PLEKHH1: variants seen among roughly 807,000 people sequenced by gnomAD.
PLEKHH1 encodes pleckstrin homology, MyTH4 and FERM domain containing H1.
A neutral mutation model predicts 160.0 loss-of-function variants in PLEKHH1; 104 were observed. The ratio of observed to expected loss-of-function variants is 0.65; its 90% confidence interval spans 0.55 to 0.76. The LOEUF (loss-of-function observed/expected upper bound fraction) is 0.76. PLEKHH1 is among the 30% of genes least tolerant of loss of function. The probability of loss-of-function intolerance (pLI) is 0.00; values close to 1 mark genes in which losing one functional copy is unlikely to be tolerated. For missense variants in PLEKHH1, 1,427 were observed against 1,724.1 expected, an observed-to-expected ratio of 0.83 and a Z score of 3.05; for synonymous variants, 619 against 678.4, an observed-to-expected ratio of 0.91 and a Z score of 1.36.
At chr14:67,586,177 G>A (rs1003891746) in intron 28 of PLEKHH1, 80 bp downstream of exon 28, 3 of 1,490,302 alleles carry the variant, frequency 2.0e-6, no homozygotes, top group Non-Finnish European at 2.8e-6. Context: ...CTGGGGTTAT[G>A]CTAGTGCTCT....
chr14:67,546,196 G>A (rs889662716), intron 2 of PLEKHH1, among the ~76,000 whole-genome samples: 7 of 152,140 alleles, frequency 4.6e-5, no homozygotes, highest in South Asian at 2.1e-4. Context: ...GGTCAACGCC[G>A]GGGGAAGGGG....
chr14:67,537,794 AT>A (rs2033798883), intron 1 of PLEKHH1, among the ~76,000 whole-genome samples: 3 of 152,136 alleles, frequency 2.0e-5, no homozygotes, highest in Admixed American at 6.5e-5. Flanking sequence ...GAGTCACCTA[AT>A]GACTTCCTGT....
rs1404816603 is a variant in PLEKHH1 at position 67,578,627 on chromosome 14, C to A, written c.2845C>A (p.Pro949Thr). The A allele has an allele frequency of 3.8e-6, 6 of 1,598,562 alleles. No individual in the cohort carries two copies. The highest frequency in any genetic ancestry group is 3.4e-5 in the Admixed American group (2 of 58,676). Residue 949 changes from proline to threonine, a missense_variant, in exon 20 of 29, where the codon CCC becomes ACC. Pro to Thr is a conservative substitution (Grantham distance 38). Coordinates refer to ENST00000329153, the MANE Select transcript of PLEKHH1 (RefSeq NM_020715.3). This position sits in a 1 kb window ranked among gnomAD's most constrained non-coding sequence, Gnocchi z 5.0. ...GCAGCAGCTCCAACGCCATGCAGAT[C>A]CCAGGTGAGTGAACCTGGCCGTTTC... ...VKQQLQRHAD[P>T]RSETGQYATY...
chr14:67,565,884 C>G (rs548497604), intron 7 of PLEKHH1, among the ~76,000 whole-genome samples: 15 of 152,306 alleles, frequency 9.8e-5, no homozygotes, highest in Admixed American at 8.5e-4. Flanking sequence ...CTTTGGGAGG[C>G]TGAGGCAGGC....
chr14:67,535,499 G>T (rs1422857591), intron 1 of PLEKHH1, among the ~76,000 whole-genome samples: 1 of 146,738 alleles, frequency 6.8e-6, no homozygotes, highest in Non-Finnish European at 1.5e-5. Context: ...ACCTGCCTTA[G>T]CCTCCCAAGT....
intron 1 of PLEKHH1, among the ~76,000 whole-genome samples, chr14:67,540,991 T>A (rs1381320800): frequency 6.6e-6 from 1 of 152,172 alleles, no homozygotes. Context: ...TTTGTACAAA[T>A]TTTTTTCCCA....
rs367943857 is a variant in PLEKHH1 at position 67,562,045 on chromosome 14, C to A, written c.505+10C>A. 3 of 1,612,692 alleles carry A rather than the reference C, an allele frequency of 1.9e-6. No individual in the cohort carries two copies. The highest frequency in any genetic ancestry group is 1.3e-5 in the African/African-American group (1 of 74,866). On this transcript the variant is annotated intron_variant, in intron 6 of 28. Transcript: ENST00000329153. ...CAAGATGCGCTAGAAGGTAGGCAGG[C>A]CAGGGTGTGCAGGTGTGCAGTACGT...
Position 67,580,994 on chromosome 14 carries a change from G to A in PLEKHH1, c.3240G>A (p.Lys1080=), listed in dbSNP as rs371741800. ...CCATGAAGGAGCTGCACCCCGGAAA[G>A]TCTGAGGGTGGGACACGCGTCGTGA... The part of the protein sequence containing the change: ...EQAMKELHPG[K]SEGGTRVVKL... The change falls in exon 23 of 29, where the codon AAG becomes AAA. Residue 1080 remains lysine (K), a synonymous_variant. Coordinates refer to ENST00000329153, the MANE Select transcript of PLEKHH1 (RefSeq NM_020715.3). 3 of 1,613,488 alleles carry A rather than the reference G, an allele frequency of 1.9e-6. No individual in the cohort carries two copies. Among genetic ancestry groups the A allele is most frequent in the Non-Finnish European group, 2.5e-6 (3 of 1,179,534 alleles).
chr14:67,575,848 G>A lies in PLEKHH1; in HGVS notation c.2195G>A (p.Arg732Gln), dbSNP rs146068447. The part of the protein sequence containing the change: ...DKRPLGCLPV[R>Q]DAHIEEVDRS... ...CGACCCCTGGGCTGCCTGCCTGTGC[G>A]GGATGCGCACATAGAGGAAGTAGAT... is the stretch of plus-strand genomic sequence containing the variant. The change falls in exon 16 of 29, where the codon CGG (arginine) becomes CAG (glutamine). Residue 732 changes from arginine to glutamine, a missense_variant. Transcript: ENST00000329153. 3,400 of 1,613,820 alleles carry A rather than the reference G, an allele frequency of 2.1e-3. 5 individuals carry two copies. Among genetic ancestry groups the A allele is most frequent in the Non-Finnish European group, 2.3e-3 (2,655 of 1,179,790 alleles).
At chr14:67,539,515 T>C (rs1227868255) in intron 1 of PLEKHH1, among the ~76,000 whole-genome samples, 1 of 152,128 alleles carries the variant, frequency 6.6e-6, no homozygotes, top group Admixed American at 6.6e-5. Flanking sequence ...ATGGTAAAGG[T>C]CAGTGCTTGG....
intron 21 of PLEKHH1, 91 bp downstream of exon 21, chr14:67,579,402 GT>G: frequency 9.7e-7 from 1 of 1,026,772 alleles, no homozygotes; most frequent in Non-Finnish European, 1.4e-6. Flanking sequence ...TTGGCAGATT[GT>G]TCACTGTTGC....
Position 67,587,342 on chromosome 14 carries a change from C to G in PLEKHH1, c.*107C>G, listed in dbSNP as rs1406737129. ...ACGGGTCTAACAGCCCCCGGCTACTCTTGTTCTGTGAAATGTGTATTTTAG... is the reference window on the plus strand; with the variant it reads ...ACGGGTCTAACAGCCCCCGGCTACTGTTGTTCTGTGAAATGTGTATTTTAG... On this transcript the variant is annotated 3_prime_UTR_variant, in exon 29 of 29. Coordinates refer to ENST00000329153, the MANE Select transcript of PLEKHH1 (RefSeq NM_020715.3). 2.4e-6 allele frequency: 3 copies of G among 1,266,446 alleles called. No homozygotes were observed. The highest frequency in any genetic ancestry group is 2.3e-5 in the East Asian group (1 of 43,168). The allele number at this position is 1,266,446 out of a possible 1,614,324, so 78.5% of individuals were successfully genotyped here.
intron 9 of PLEKHH1, 40 bp from the exon 10 acceptor site, chr14:67,571,712 T>C (rs767077020): frequency 2.5e-6 from 4 of 1,600,656 alleles, no homozygotes; most frequent in Admixed American, 3.3e-5. Flanking sequence ...AGGACTGTTT[T>C]GCAGCCTGAG....
At chr14:67,585,816 T>C (rs2036131358) in intron 27 of PLEKHH1, 135 bp from the exon 28 acceptor site, 3 of 1,079,146 alleles carry the variant, frequency 2.8e-6, no homozygotes, top group Admixed American at 4.3e-5. Context: ...TTGTAGATAT[T>C]CAAGATGGAG....
intron 2 of PLEKHH1, among the ~76,000 whole-genome samples, chr14:67,551,539 A>T (rs1002634266): frequency 6.6e-6 from 1 of 152,126 alleles, no homozygotes; most frequent in East Asian, 1.9e-4. Context: ...ACTGTGGTGG[A>T]GTCAGTGAGG....
At chr14:67,585,831 C>G in intron 27 of PLEKHH1, 120 bp from the exon 28 acceptor site, 1 of 1,175,460 alleles carries the variant, frequency 8.5e-7, no homozygotes, top group Non-Finnish European at 1.2e-6. Context: ...ATGGAGATCT[C>G]CAAATTATGA....
Position 67,574,517 on chromosome 14 carries a change from A to C in PLEKHH1, c.2088+114A>C. The C allele has an allele frequency of 1.2e-6, 1 of 841,728 alleles. No homozygotes were observed. The allele number at this position is 841,728 out of a possible 1,614,324, so 52.1% of individuals were successfully genotyped here. A position where few individuals can be genotyped will look rare whatever the true frequency, so the allele number is the denominator to read the frequency against. On this transcript the variant is annotated intron_variant, in intron 14 of 28. Transcript: ENST00000329153. This position sits in a 1 kb window ranked among gnomAD's most constrained non-coding sequence, Gnocchi z 4.2. ...CTTATACGGGGCTCCTTTCTCTGGG[A>C]GCCTCCTCACAGTGACTCGCTGGCC...
intron 7 of PLEKHH1, among the ~76,000 whole-genome samples, chr14:67,563,958 G>A (rs573410696): frequency 6.7e-6 from 1 of 149,862 alleles, no homozygotes; most frequent in Non-Finnish European, 1.5e-5. Context: ...CTGGAGTGCA[G>A]TGGCACAATC....
At position 67,557,429 on chromosome 14, in the gene PLEKHH1, A is replaced by C. The variant is rs766705773; in HGVS notation, c.339+11A>C. 6.2e-7 allele frequency: 1 copy of C among 1,611,438 alleles called. No homozygotes were observed. The highest frequency in any genetic ancestry group is 8.5e-7 in the Non-Finnish European group (1 of 1,179,420). On this transcript the variant is annotated intron_variant, in intron 4 of 28. Transcript: ENST00000329153. ...CAGCTGGAGAAGCAGGTAAGGGCTC[A>C]TGCGCAAGGGAGCACCATGCCCTCT...
Sources: gnomAD v4.1 joint callset for allele counts (sites outside exome capture counted in the v4.1 genomes callset) on GRCh38, gnomAD v4.1.1 for gene constraint, Gnocchi (gnomAD v3.1) non-coding constraint, MANE v1.5 for transcripts, NCBI Gene and HGNC (gene_info 2026-07-23, HGNC 2026-07-21) for gene names.